IPO9: variants seen among roughly 807,000 people sequenced by gnomAD.
IPO9 encodes importin-9.
IPO9 carries 28 observed loss-of-function variants against 128.6 expected under a neutral mutation model. The ratio of observed to expected loss-of-function variants is 0.22; its 90% CI spans 0.16 to 0.30. The LOEUF is 0.30. Among genes scored for constraint, IPO9 ranks in the 10% least tolerant of loss-of-function variants. The pLI is 1.00. For synonymous variants in IPO9, 455 were observed against 475.8 expected, an observed-to-expected ratio of 0.96 and a Z score of 0.57; for missense variants, 935 against 1,293.9, an observed-to-expected ratio of 0.72 and a Z score of 4.26.
intron 14 of IPO9, among the ~76,000 whole-genome samples, chr1:201,865,394 G>C (rs1436723698): frequency 1.3e-5 from 2 of 151,910 alleles, no homozygotes; most frequent in Non-Finnish European, 2.9e-5. Flanking sequence ...TTTTAGTAGA[G>C]ACAGGGTTTT....
At chr1:201,843,827 CAA>C (rs35870198) in intron 1 of IPO9, among the ~76,000 whole-genome samples, 216 of 95,940 alleles carry the variant, frequency 2.3e-3, no homozygotes, top group Non-Finnish European at 2.5e-3. Context: ...GATTCTGTCT[CAA>C]AAAAAAAAAA....
chr1:201,835,094 AGCTGTGGTTTTGTGGT>A (rs1679900519), intron 1 of IPO9: 1 of 152,182 alleles, frequency 6.6e-6, no homozygotes, highest in African/African-American at 2.4e-5. Flanking sequence ...TTTTCCTTTC[AGCTGTGGTTTTGTGGT>A]GCTTACCAAC....
At chr1:201,855,022 C>T in intron 8 of IPO9, 99 bp downstream of exon 8, 3 of 1,317,632 alleles carry the variant, frequency 2.3e-6, no homozygotes, top group Non-Finnish European at 3.2e-6. Flanking sequence ...CTTACACAGG[C>T]TTTTTTAAGG....
At chr1:201,857,698 C>T (rs953785733) in intron 11 of IPO9, among the ~76,000 whole-genome samples, 1 of 151,148 alleles carries the variant, frequency 6.6e-6, no homozygotes, top group African/African-American at 2.4e-5. Flanking sequence ...GGGAGGCTGA[C>T]GCAGGAGAAT....
At position 201,854,909 on chromosome 1, in the gene IPO9, C is replaced by T. The variant is rs775469913; in HGVS notation, c.897C>T (p.Thr299=). The change falls in exon 8 of 24, where the codon ACC becomes ACT. Residue 299 remains threonine (T), a synonymous_variant. Coordinates refer to ENST00000361565, the MANE Select transcript of IPO9 (RefSeq NM_018085.5). ...TGCCTATTGTTTGGAACACCCTAAC[C>T]GAGAGTGCAGCTTTATATCCTTTCT... ...QILPIVWNTL[T]ESAAFYVRTE... The T allele has an allele frequency of 4.3e-5, 69 of 1,604,928 alleles. No individual in the cohort carries two copies. In the Admixed American group the frequency reaches 4.9e-4, roughly 11 times the overall value.
At chr1:201,829,425 C>T in intron 1 of IPO9, 53 bp downstream of exon 1, 1 of 1,475,172 alleles carries the variant, frequency 6.8e-7, no homozygotes, top group Non-Finnish European at 9.0e-7. Flanking sequence ...ATCCGCTGAC[C>T]GCAGCTCCGT....
Position 201,879,074 on chromosome 1 carries a change from A to G in IPO9, c.*3020A>G, listed in dbSNP as rs1680833367. 1 of 152,220 alleles carries G rather than the reference A, an allele frequency of 6.6e-6. No individual in the cohort carries two copies. Among genetic ancestry groups the G allele is most frequent in the South Asian group, 2.1e-4 (1 of 4,826 alleles). 9.4% of individuals were successfully genotyped at this position (152,220 alleles called of 1,614,324 possible). On this transcript the variant is annotated 3_prime_UTR_variant, in exon 24 of 24. Coordinates refer to ENST00000361565, the MANE Select transcript of IPO9 (RefSeq NM_018085.5). ...CTTTTATTGGAGTGAACTGAAAGGA[A>G]AATGGAAGGAATGCTATAAGACTGA...
At chr1:201,861,657 A>C (rs1231009522) in intron 13 of IPO9, among the ~76,000 whole-genome samples, 2 of 152,212 alleles carry the variant, frequency 1.3e-5, no homozygotes, top group Admixed American at 6.5e-5. Context: ...TGACTGGCAC[A>C]GTTTATTAGG....
chr1:201,875,344 CTT>C (rs1236196688), intron 23 of IPO9, 116 bp downstream of exon 23: 1 of 914,352 alleles, frequency 1.1e-6, no homozygotes, highest in East Asian at 2.4e-5. Context: ...AATCCCAACA[CTT>C]TGGGAGGTCA....
intron 6 of IPO9, 38 bp from the exon 7 acceptor site, chr1:201,854,557 G>A (rs771626295): frequency 1.2e-6 from 2 of 1,608,644 alleles, no homozygotes; most frequent in Non-Finnish European, 8.5e-7. Context: ...CCATGGATTA[G>A]GGGTTTGTCC....
chr1:201,861,033 G>T (rs1680435902), intron 13 of IPO9, among the ~76,000 whole-genome samples: 1 of 152,186 alleles, frequency 6.6e-6, no homozygotes, highest in Admixed American at 6.6e-5. Context: ...GGGCGTGGTG[G>T]CACGCGTCTG....
At chr1:201,861,152 C>T (rs1468955206) in intron 13 of IPO9, among the ~76,000 whole-genome samples, 4 of 151,828 alleles carry the variant, frequency 2.6e-5, no homozygotes, top group Admixed American at 2.0e-4. Flanking sequence ...GGCAACAGAG[C>T]GAGACTCTGT....
At chr1:201,857,012 T>C in intron 10 of IPO9, 84 bp from the exon 11 acceptor site, 1 of 896,184 alleles carries the variant, frequency 1.1e-6, no homozygotes. Context: ...TTCAGGATAA[T>C]AGGTTGAAAT....
chr1:201,844,839 G>C (rs1680096647), intron 1 of IPO9, among the ~76,000 whole-genome samples: 1 of 152,058 alleles, frequency 6.6e-6, no homozygotes. Flanking sequence ...CAATTAAGGT[G>C]GAACATAGAT....
Position 201,855,902 on chromosome 1 carries a change from A to G in IPO9, c.1090A>G (p.Ile364Val). ...AGCCTTGCCTGAATTGATTTATTAT[A>G]TTATCCTGTACATGCAAATCACTGA... ...KKALPELIYY[I>V]ILYMQITEEQ... Residue 364 changes from isoleucine (I) to valine (V), a missense_variant, in exon 10 of 24, where the codon ATT becomes GTT. By Grantham distance (29) the Ile-to-Val change is conservative. Coordinates refer to ENST00000361565, the MANE Select transcript of IPO9 (RefSeq NM_018085.5). 1 of 1,609,388 alleles carries G rather than the reference A, an allele frequency of 6.2e-7. No individual in the cohort carries two copies. Among genetic ancestry groups the G allele is most frequent in the Admixed American group, 1.7e-5 (1 of 58,454 alleles).
At chr1:201,853,135 T>G (rs1231398545) in intron 6 of IPO9, 38 bp downstream of exon 6, 2 of 1,549,002 alleles carry the variant, frequency 1.3e-6, no homozygotes, top group Non-Finnish European at 1.8e-6. Context: ...ACTTCATGCT[T>G]AAAAGTTTTA....
intron 14 of IPO9, among the ~76,000 whole-genome samples, chr1:201,865,277 C>T (rs545981749): frequency 6.7e-6 from 1 of 149,696 alleles, no homozygotes; most frequent in Admixed American, 6.7e-5. Flanking sequence ...GGCGCGATCT[C>T]GGCTCACCAC....
chr1:201,869,615 T>G lies in IPO9; in HGVS notation c.2030T>G (p.Val677Gly). The G allele has an allele frequency of 6.2e-7, 1 of 1,614,128 alleles. No homozygotes were observed. Reference sequence around the variant, plus strand: ...ACAGCCATTGATATCCTGACAACAGTAGTACGAAATACAAAGCCTCCCCTT... The same window carrying G: ...ACAGCCATTGATATCCTGACAACAGGAGTACGAAATACAAAGCCTCCCCTT... ...CATAIDILTT[V>G]VRNTKPPLSQ... The change falls in exon 17 of 24, where the codon GTA (valine) becomes GGA (glycine). Residue 677 changes from valine to glycine, a missense_variant. Physicochemically the swap from Val to Gly is moderately radical, Grantham distance 109. Coordinates refer to ENST00000361565, the MANE Select transcript of IPO9 (RefSeq NM_018085.5).
rs1680566518 is a variant in IPO9 at position 201,867,031 on chromosome 1, G to A, written c.1855+72G>A. 22 of 1,253,884 alleles carry A rather than the reference G, an allele frequency of 1.8e-5. No individual in the cohort carries two copies. The South Asian group carries it at 2.2e-4, about 12-fold the overall frequency. 77.7% of individuals were successfully genotyped at this position (1,253,884 alleles called of 1,614,324 possible). ...TGGTGGCTGGTGAATTTAAATGAAA[G>A]ATTCCCTAGGTCTGGTCTTAGCTAT... On this transcript the variant is annotated intron_variant, in intron 15 of 23. Transcript: ENST00000361565.
Sources: gnomAD v4.1 joint callset for allele counts (sites outside exome capture counted in the v4.1 genomes callset) on GRCh38, gnomAD v4.1.1 for gene constraint, MANE v1.5 for transcripts, NCBI Gene and HGNC (gene_info 2026-07-23, HGNC 2026-07-21) for gene names.